The following TRAPPC9 variants were observed in gnomAD, a reference collection of about 807,000 sequenced individuals.
TRAPPC9 encodes IKK2 binding protein.
A neutral mutation model predicts 124.0 loss-of-function variants in TRAPPC9; 83 were observed. The ratio of observed to expected loss-of-function variants is 0.67; its 90% CI spans 0.56 to 0.80. The LOEUF is 0.80. Among genes scored for constraint, TRAPPC9 ranks in the 30% least tolerant of loss-of-function variants. The probability of loss-of-function intolerance (pLI) is 0.00; values close to 1 mark genes in which losing one functional copy is unlikely to be tolerated. For missense variants in TRAPPC9, 1,302 were observed against 1,508.3 expected (o/e 0.86, Z 2.27); for synonymous variants, 638 against 617.5 (o/e 1.03, Z -0.49).
intron 15 of TRAPPC9, among the ~76,000 whole-genome samples, chr8:140,264,454 T>G (rs898317262): frequency 6.6e-6 from 1 of 152,074 alleles, no homozygotes; most frequent in African/African-American, 2.4e-5. Context: ...TTGCTATGGT[T>G]TTAATGAAAG....
intron 6 of TRAPPC9, among the ~76,000 whole-genome samples, chr8:140,400,179 C>CT (rs1209332596): frequency 1.3e-5 from 2 of 152,158 alleles, no homozygotes; most frequent in African/African-American, 2.4e-5. Context: ...TCCAGTACGT[C>CT]TTTATCAGCA....
At chr8:140,141,766 G>T (rs914766592) in intron 17 of TRAPPC9, among the ~76,000 whole-genome samples, 10 of 152,200 alleles carry the variant, frequency 6.6e-5, no homozygotes, top group Non-Finnish European at 7.4e-5. Context: ...AAAATCAAAA[G>T]ATGACTTCAG....
chr8:140,182,328 TAA>T lies in TRAPPC9; in HGVS notation c.2556+39129_2556+39130del, dbSNP rs752919229. On this transcript the variant is annotated intron_variant, in intron 17 of 22. Coordinates refer to ENST00000438773, the MANE Select transcript of TRAPPC9 (RefSeq NM_001160372.4). This position sits in a 1 kb window ranked among gnomAD's most constrained non-coding sequence, Gnocchi z 4.0. ...TCAACTGTTTTCTACATATTTCAAC[TAA>T]AAAAAAAAAAAAATACGGCTTGGGA... Among the ~76,000 whole-genome samples, 15 of 135,268 alleles carry T rather than the reference TAA, an allele frequency of 1.1e-4. No homozygotes were observed. The highest frequency in any genetic ancestry group is 2.2e-4 in the Admixed American group (3 of 13,496). 88.7% of individuals were successfully genotyped at this position (135,268 alleles called of 152,430 possible).
At chr8:140,335,063 C>A (rs890420926) in intron 9 of TRAPPC9, among the ~76,000 whole-genome samples, 1 of 152,024 alleles carries the variant, frequency 6.6e-6, no homozygotes, top group Admixed American at 6.6e-5. Flanking sequence ...TGACTCAAAT[C>A]GTGAATGTCC....
chr8:140,379,964 G>A (rs1180329204), intron 7 of TRAPPC9, among the ~76,000 whole-genome samples: 1 of 152,152 alleles, frequency 6.6e-6, no homozygotes. Flanking sequence ...CTTTATTGTA[G>A]GTATCTCGTG....
chr8:139,968,484 T>C (rs2131596947), intron 19 of TRAPPC9, among the ~76,000 whole-genome samples: 1 of 152,196 alleles, frequency 6.6e-6, no homozygotes, highest in Middle Eastern at 3.4e-3. Context: ...CGGCCGGCCT[T>C]TGGGCCAGAC....
intron 21 of TRAPPC9, among the ~76,000 whole-genome samples, chr8:139,770,093 G>A (rs1005388356): frequency 2.6e-5 from 4 of 152,240 alleles, no homozygotes; most frequent in African/African-American, 9.6e-5. Flanking sequence ...AGACACCAGC[G>A]AAAGCCCAAT....
chr8:139,865,053 C>T (rs538472169), intron 21 of TRAPPC9, among the ~76,000 whole-genome samples: 141 of 152,162 alleles, frequency 9.3e-4, no homozygotes, highest in Non-Finnish European at 1.5e-3. Flanking sequence ...TTCAAGCCAG[C>T]GGTCTACATT....
intron 21 of TRAPPC9, among the ~76,000 whole-genome samples, chr8:139,881,927 G>T (rs889582819): frequency 6.6e-6 from 1 of 152,196 alleles, no homozygotes; most frequent in African/African-American, 2.4e-5. Flanking sequence ...GCTCCTGCCT[G>T]GGCCTCCCTC....
chr8:139,830,255 GCA>G (rs984221896), intron 21 of TRAPPC9, among the ~76,000 whole-genome samples: 3 of 144,506 alleles, frequency 2.1e-5, no homozygotes, highest in African/African-American at 5.1e-5. Context: ...CACTACACAT[GCA>G]CACACATGCA....
chr8:140,326,546 C>G (rs75940174), intron 9 of TRAPPC9, among the ~76,000 whole-genome samples: 2,543 of 152,258 alleles, frequency 0.017, 31 homozygotes, highest in Non-Finnish European at 0.027. Flanking sequence ...TATTTTCCCC[C>G]TTCACTCAGA....
intron 17 of TRAPPC9, among the ~76,000 whole-genome samples, chr8:140,044,113 G>GA (rs1040527208): frequency 3.9e-5 from 6 of 152,126 alleles, no homozygotes; most frequent in African/African-American, 1.4e-4. Context: ...TGCCAAGGTA[G>GA]ACGGTCAAGC....
chr8:140,457,995 G>A (rs1285607781), upstream of TRAPPC9, among the ~76,000 whole-genome samples: 44 of 136,174 alleles, frequency 3.2e-4, 1 homozygote, highest in Non-Finnish European at 6.7e-4. Flanking sequence ...GAGAAGCGGG[G>A]ACGGGGAGGG....
intron 17 of TRAPPC9, chr8:140,096,672 G>C (rs1844975639): frequency 6.6e-6 from 1 of 152,242 alleles, no homozygotes; most frequent in African/African-American, 2.4e-5. Flanking sequence ...AAATTGTAAA[G>C]CCGGTTGGAA....
chr8:139,935,104 C>T lies in TRAPPC9; in HGVS notation c.2811-24804G>A, dbSNP rs182801788. On this transcript the variant is annotated intron_variant, in intron 19 of 22. Coordinates refer to ENST00000438773, the MANE Select transcript of TRAPPC9 (RefSeq NM_001160372.4). ...TCCCGGTACGTGATCTCATGGGAGC[C>T]CCGAAAGACCAGACAAGACATCACC... Among the ~76,000 whole-genome samples the T allele has an allele frequency of 8.5e-5, 13 of 152,246 alleles. No homozygotes were observed. In the East Asian group the frequency reaches 2.3e-3, roughly 27 times the overall value.
chr8:139,866,117 A>G (rs1388358718), intron 21 of TRAPPC9, among the ~76,000 whole-genome samples: 4 of 152,228 alleles, frequency 2.6e-5, no homozygotes, highest in African/African-American at 9.6e-5. Context: ...TCAGGTTAGC[A>G]TAAGAGGTTG....
chr8:140,009,747 G>C (rs908577545), intron 18 of TRAPPC9, among the ~76,000 whole-genome samples: 1 of 152,134 alleles, frequency 6.6e-6, no homozygotes, highest in African/African-American at 2.4e-5. Flanking sequence ...TTCATAGCAC[G>C]TCCCCCCTGC....
intron 16 of TRAPPC9, among the ~76,000 whole-genome samples, chr8:140,232,336 C>T (rs1323074767): frequency 6.6e-6 from 1 of 152,030 alleles, no homozygotes; most frequent in African/African-American, 2.4e-5. Flanking sequence ...AGGCAGGTAA[C>T]TTCTTGGCCA....
At chr8:139,901,554 A>G (rs568979395) in intron 20 of TRAPPC9, among the ~76,000 whole-genome samples, 22 of 152,306 alleles carry the variant, frequency 1.4e-4, no homozygotes, top group African/African-American at 4.6e-4. Flanking sequence ...TCACTGCTGC[A>G]AATCTTGCCT....
Sources: allele counts gnomAD v4.1 joint callset (sites outside exome capture counted in the v4.1 genomes callset), GRCh38; gene constraint gnomAD v4.1.1; non-coding constraint Gnocchi (gnomAD v3.1); transcripts MANE v1.5; gene names NCBI Gene and HGNC (gene_info 2026-07-23, HGNC 2026-07-21).